SLC39A11: variants seen among roughly 807,000 people sequenced by gnomAD.
SLC39A11 encodes zinc transporter ZIP11.
Under a neutral mutation model 36.1 loss-of-function variants are expected in SLC39A11, and 33 were observed. That is an observed-to-expected ratio of 0.91 (90% CI 0.69 to 1.22). The LOEUF (loss-of-function observed/expected upper bound fraction) is 1.22. Among genes scored for constraint, SLC39A11 ranks in the 50% most tolerant of loss-of-function variants. The probability of loss-of-function intolerance (pLI) is 0.00; values close to 1 mark genes in which losing one functional copy is unlikely to be tolerated. For synonymous variants in SLC39A11, 166 were observed against 170.3 expected, an observed-to-expected ratio of 0.97 and a Z score of 0.20; for missense variants, 432 against 430.3, an observed-to-expected ratio of 1.00 and a Z score of -0.03.
At chr17:72,739,970 ATACAG>A (rs1374123920) in intron 6 of SLC39A11, among the ~76,000 whole-genome samples, 1 of 151,524 alleles carries the variant, frequency 6.6e-6, no homozygotes, top group Non-Finnish European at 1.5e-5. Flanking sequence ...TATATATTAT[ATACAG>A]TATTCTTACA....
intron 3 of SLC39A11, among the ~76,000 whole-genome samples, chr17:73,078,115 G>A (rs1313297922): frequency 2.0e-5 from 3 of 151,916 alleles, no homozygotes; most frequent in East Asian, 3.9e-4. Context: ...GCGTGCACCT[G>A]TAGTCCCAGC....
intron 4 of SLC39A11, among the ~76,000 whole-genome samples, chr17:72,991,802 C>A (rs1267195909): frequency 6.6e-6 from 1 of 152,226 alleles, no homozygotes; most frequent in African/African-American, 2.4e-5. Context: ...TGAACATTCT[C>A]ATGCAGGGTT....
intron 4 of SLC39A11, among the ~76,000 whole-genome samples, chr17:73,021,578 C>G (rs1375474482): frequency 6.6e-6 from 1 of 151,982 alleles, no homozygotes; most frequent in East Asian, 1.9e-4. Flanking sequence ...CTGCCCAGCT[C>G]TGCCTCCCAA....
chr17:72,665,136 C>T (rs1315178328), intron 7 of SLC39A11, among the ~76,000 whole-genome samples: 2 of 152,162 alleles, frequency 1.3e-5, no homozygotes, highest in Non-Finnish European at 1.5e-5. Flanking sequence ...AATATTCAAG[C>T]AGCCATGTGG....
chr17:72,828,110 T>G (rs369843454), intron 6 of SLC39A11, among the ~76,000 whole-genome samples: 3 of 152,204 alleles, frequency 2.0e-5, no homozygotes, highest in African/African-American at 7.2e-5. Flanking sequence ...ATACATGCTA[T>G]GGTAGGAAAT....
At chr17:72,739,909 TA>T (rs1204239510) in intron 6 of SLC39A11, among the ~76,000 whole-genome samples, 4 of 152,216 alleles carry the variant, frequency 2.6e-5, no homozygotes, top group African/African-American at 9.6e-5. Context: ...AATAGTCTAA[TA>T]TTGACGTTAC....
intron 3 of SLC39A11, among the ~76,000 whole-genome samples, chr17:73,052,981 A>G (rs1383722541): frequency 6.6e-6 from 1 of 152,228 alleles, no homozygotes; most frequent in Non-Finnish European, 1.5e-5. Flanking sequence ...GATTATAGGC[A>G]TGAGCCACTG....
intron 4 of SLC39A11, among the ~76,000 whole-genome samples, chr17:72,981,934 C>A (rs2088350031): frequency 6.6e-6 from 1 of 152,152 alleles, no homozygotes; most frequent in Non-Finnish European, 1.5e-5. Context: ...TGGAAAGATG[C>A]TAAGCTGACT....
chr17:73,044,238 G>A (rs1215777658), intron 3 of SLC39A11, among the ~76,000 whole-genome samples: 2 of 152,128 alleles, frequency 1.3e-5, no homozygotes, highest in East Asian at 1.9e-4. Context: ...ACAAAGACTT[G>A]CACAAGAATG....
chr17:72,822,545 C>T (rs917444887), intron 6 of SLC39A11, among the ~76,000 whole-genome samples: 1 of 150,920 alleles, frequency 6.6e-6, no homozygotes, highest in Non-Finnish European at 1.5e-5. Flanking sequence ...CTGAGAGAAA[C>T]AGGTGTCAAT....
At chr17:72,849,270 G>C (rs1266989578) in intron 6 of SLC39A11, among the ~76,000 whole-genome samples, 1 of 151,910 alleles carries the variant, frequency 6.6e-6, no homozygotes, top group African/African-American at 2.4e-5. Flanking sequence ...GTTGTTCAAG[G>C]GTCAACTATG....
chr17:73,086,623 C>A (rs2060738099), intron 2 of SLC39A11, among the ~76,000 whole-genome samples: 1 of 152,048 alleles, frequency 6.6e-6, no homozygotes, highest in East Asian at 1.9e-4. Flanking sequence ...AGCTCAAAAC[C>A]TGCCTGAGCA....
intron 5 of SLC39A11, among the ~76,000 whole-genome samples, chr17:72,892,319 A>G (rs185074802): frequency 4.2e-4 from 64 of 151,726 alleles, no homozygotes; most frequent in African/African-American, 1.5e-3. Context: ...CTGAGGTAGG[A>G]GAATTGCTTG....
chr17:72,699,764 G>A (rs1368971651), intron 7 of SLC39A11, among the ~76,000 whole-genome samples: 1 of 152,198 alleles, frequency 6.6e-6, no homozygotes, highest in Non-Finnish European at 1.5e-5. Context: ...CCAGGGACCA[G>A]GGGACAAAGC....
At chr17:72,910,623 C>CAAA (rs759842114) in intron 5 of SLC39A11, among the ~76,000 whole-genome samples, 14,758 of 49,680 alleles carry the variant, frequency 0.3, 2,604 homozygotes, top group Non-Finnish European at 0.36. Context: ...GACTCCGTCT[C>CAAA]AAAAAAAAAA....
intron 5 of SLC39A11, among the ~76,000 whole-genome samples, chr17:72,928,193 T>C (rs901006987): frequency 3.3e-5 from 5 of 152,238 alleles, no homozygotes; most frequent in Admixed American, 6.5e-5. Flanking sequence ...TGTGTAATTG[T>C]TGGTTTTACA....
At chr17:72,814,942 C>T (rs1397684083) in intron 6 of SLC39A11, among the ~76,000 whole-genome samples, 1 of 152,206 alleles carries the variant, frequency 6.6e-6, no homozygotes, top group African/African-American at 2.4e-5. Context: ...ACCACCCAAA[C>T]ACAATCCTTC....
At chr17:72,946,073 G>T (rs2085411935) in intron 5 of SLC39A11, among the ~76,000 whole-genome samples, 1 of 152,198 alleles carries the variant, frequency 6.6e-6, no homozygotes, top group African/African-American at 2.4e-5. Flanking sequence ...GACAGAAAAG[G>T]CCTGTGGCCT....
chr17:72,917,505 C>G (rs1437273404), intron 5 of SLC39A11, among the ~76,000 whole-genome samples: 1 of 152,132 alleles, frequency 6.6e-6, no homozygotes, highest in Non-Finnish European at 1.5e-5. Context: ...CACTTCTCAA[C>G]AGAGCAGCTA....
Sources: allele counts gnomAD v4.1 joint callset (sites outside exome capture counted in the v4.1 genomes callset), GRCh38; gene constraint gnomAD v4.1.1; transcripts MANE v1.5; gene names NCBI Gene and HGNC (gene_info 2026-07-23, HGNC 2026-07-21).